Variants in AGAP4 observed in about 807,000 individuals in gnomAD.
The protein encoded by AGAP4 is arf-GAP with GTPase, ANK repeat and PH domain-containing protein 4.
AGAP4 carries 13 observed loss-of-function variants against 60.7 expected under a neutral mutation model. That is an observed-to-expected ratio of 0.21 (90% CI 0.14 to 0.34). The LOEUF is 0.34. Ranked by LOEUF, AGAP4 falls within the 10% of genes least tolerant of loss-of-function variation. AGAP4 has a pLI of 1.00. For synonymous variants in AGAP4, 70 were observed against 339.0 expected (o/e 0.21, Z 8.72); for missense variants, 169 against 884.0 (o/e 0.19, Z 10.26).
At position 45,847,486 on chromosome 10, in the gene AGAP4, C is replaced by T. The variant is rs2059019379; in HGVS notation, c.-139G>A. The T allele has an allele frequency of 1.3e-6, 2 of 1,529,064 alleles. No homozygotes were observed. Among genetic ancestry groups the T allele is most frequent in the African/African-American group, 1.4e-5 (1 of 69,922 alleles). 94.7% of individuals were successfully genotyped at this position (1,529,064 alleles called of 1,614,324 possible). On this transcript the variant is annotated 5_prime_UTR_variant, in exon 1 of 8. Coordinates refer to ENST00000616763, the MANE Select transcript of AGAP4 (RefSeq NM_001276343.3). Reference sequence around the variant, plus strand: ...CTCGCCTGCCCACCTCACAGCGCGGCCCCGGGCACCAGCCCTGGCCCTGGC... The same window carrying T: ...CTCGCCTGCCCACCTCACAGCGCGGTCCCGGGCACCAGCCCTGGCCCTGGC...
upstream of AGAP4, among the ~76,000 whole-genome samples, chr10:45,852,229 A>ACAAACAAAC (rs1564866663): frequency 2.2e-4 from 32 of 144,548 alleles, no homozygotes; most frequent in Middle Eastern, 3.5e-3. Flanking sequence ...AAAAAAAAAA[A>ACAAACAAAC]AAAAAAAAAA....
Position 45,826,434 on chromosome 10 carries a change from G to C in AGAP4, c.1542C>G (p.Ser514=), listed in dbSNP as rs1465601899. The C allele has an allele frequency of 1.2e-6, 2 of 1,605,864 alleles. No individual in the cohort carries two copies. Among genetic ancestry groups the C allele is most frequent in the Non-Finnish European group, 1.7e-6 (2 of 1,176,194 alleles). Residue 514 remains serine, a synonymous_variant, in exon 8 of 8, where the codon TCC becomes TCG. Transcript: ENST00000616763. The stretch of plus-strand genomic sequence containing the variant: ...CATCCAGCTCCAGAGATCGCACACG[G>C]GAAAGGCGGGTGCCAAGACTGCGGT... ...GIHRSLGTRL[S]RVRSLELDDW...
chr10:45,832,535 G>A (rs2058751685), intron 5 of AGAP4, among the ~76,000 whole-genome samples: 1 of 143,658 alleles, frequency 7.0e-6, no homozygotes, highest in Non-Finnish European at 1.5e-5. Flanking sequence ...ACATTTCCCA[G>A]GTGATTTCAA....
Position 45,827,362 on chromosome 10 carries a change from C to T in AGAP4, c.614G>A (p.Arg205Lys). The stretch of plus-strand genomic sequence containing the variant: ...GTTATTTAAACTCCCACCTCCATTT[C>T]TTTTCTTCATAATGTGCACGGTGGA... ...AVSTVHIMKK[R>K]NGGGSLNNYS... is the part of the protein sequence containing the mutation. The change falls in exon 8 of 8, where the codon AGA becomes AAA. Residue 205 changes from arginine to lysine, a missense_variant. Transcript: ENST00000616763. The T allele has an allele frequency of 6.3e-7, 1 of 1,596,266 alleles. No individual in the cohort carries two copies. Among genetic ancestry groups the T allele is most frequent in the South Asian group, 1.1e-5 (1 of 89,758 alleles).
Position 45,826,666 on chromosome 10 carries a change from G to A in AGAP4, c.1310C>T (p.Ala437Val). 4 of 1,348,180 alleles carry A rather than the reference G, an allele frequency of 3.0e-6. 2 individuals are homozygous for A. Among genetic ancestry groups the A allele is most frequent in the Non-Finnish European group, 4.0e-6 (4 of 990,304 alleles). 83.5% of individuals were successfully genotyped at this position (1,348,180 alleles called of 1,614,324 possible). A position where few individuals can be genotyped will look rare whatever the true frequency, so the allele number is the denominator to read the frequency against. ...TYEERDAWVQ[A>V]IQSQILASLQ... ...GCTGGCCAGGATCTGGCTCTGGATGGCTTGGACCCAGGCATCCCGCTCCTC... is the reference window on the plus strand; with the variant it reads ...GCTGGCCAGGATCTGGCTCTGGATGACTTGGACCCAGGCATCCCGCTCCTC... Residue 437 changes from alanine (A) to valine (V), a missense_variant, in exon 8 of 8, where the codon GCC (alanine) becomes GTC (valine). Ala to Val is a moderately conservative substitution (Grantham distance 64). Coordinates refer to ENST00000616763, the MANE Select transcript of AGAP4 (RefSeq NM_001276343.3).
chr10:45,826,933 G>C lies in AGAP4; in HGVS notation c.1043C>G (p.Ala348Gly), dbSNP rs1412385267. 2.9e-6 allele frequency: 4 copies of C among 1,377,030 alleles called. No individual in the cohort carries two copies. The Admixed American group carries it at 7.2e-5, about 25-fold the overall frequency. The allele number at this position is 1,377,030 out of a possible 1,614,324, so 85.3% of individuals were successfully genotyped here. A position where few individuals can be genotyped will look rare whatever the true frequency, so the allele number is the denominator to read the frequency against. ...GGAGATGGGTGTGCAGGCCGATGTG[G>C]CTAGGGATGGCCACTTTCCTGGGAC... ...IKVPGKWPSL[A>G]TSACTPISTS... Residue 348 changes from alanine (A) to glycine (G), a missense_variant, in exon 8 of 8, where the codon GCC (alanine) becomes GGC (glycine). By Grantham distance (60) the Ala-to-Gly change is moderately conservative. Coordinates refer to ENST00000616763, the MANE Select transcript of AGAP4 (RefSeq NM_001276343.3).
upstream of AGAP4, among the ~76,000 whole-genome samples, chr10:45,848,436 G>A (rs1282501792): frequency 6.8e-6 from 1 of 146,602 alleles, no homozygotes; most frequent in East Asian, 2.0e-4. Context: ...GAGCCATAAA[G>A]TGGCTTACCA....
chr10:45,829,936 T>A (rs2058704589), intron 6 of AGAP4, among the ~76,000 whole-genome samples: 1 of 148,560 alleles, frequency 6.7e-6, no homozygotes, highest in Non-Finnish European at 1.5e-5. Flanking sequence ...AAGTAACTAA[T>A]GCATGATATT....
intron 6 of AGAP4, among the ~76,000 whole-genome samples, chr10:45,830,203 CT>C (rs1389303568): frequency 4.7e-5 from 7 of 148,210 alleles, no homozygotes; most frequent in Non-Finnish European, 1.0e-4. Context: ...GACAGAGTCG[CT>C]CTCTGTCACC....
At chr10:45,849,009 T>C (rs1437896566), upstream of AGAP4, 2 of 149,764 alleles carry the variant, frequency 1.3e-5, no homozygotes, top group Non-Finnish European at 3.0e-5. Flanking sequence ...GTGGATCAAC[T>C]GAGGTCAGGA....
chr10:45,839,488 T>C (rs1435301868), intron 4 of AGAP4, among the ~76,000 whole-genome samples: 1 of 123,328 alleles, frequency 8.1e-6, no homozygotes, highest in Non-Finnish European at 1.8e-5. Context: ...AAACCTGAGA[T>C]ATAAAGAAAA....
upstream of AGAP4, among the ~76,000 whole-genome samples, chr10:45,849,760 C>A (rs1389570337): frequency 6.6e-6 from 1 of 151,102 alleles, no homozygotes; most frequent in African/African-American, 2.4e-5. Context: ...CCTGCCTCAG[C>A]CTCCCAAGTA....
chr10:45,828,398 A>C (rs1751285849), intron 6 of AGAP4, among the ~76,000 whole-genome samples: 1 of 150,280 alleles, frequency 6.7e-6, no homozygotes, highest in African/African-American at 2.4e-5. Flanking sequence ...AGAATGTTCT[A>C]CAAAGCAGTT....
At chr10:45,851,032 G>A (rs1184733758), upstream of AGAP4, among the ~76,000 whole-genome samples, 8 of 151,948 alleles carry the variant, frequency 5.3e-5, no homozygotes, top group African/African-American at 1.5e-4. Context: ...GTTTCATGGA[G>A]CAACTTTGAA....
chr10:45,830,510 G>A (rs578252060), intron 6 of AGAP4, among the ~76,000 whole-genome samples: 1 of 97,650 alleles, frequency 1.0e-5, no homozygotes, highest in Admixed American at 9.2e-5. Context: ...TGTTTAGGCA[G>A]AGTCTTGCTC....
At chr10:45,850,193 T>C (rs1323679502), upstream of AGAP4, among the ~76,000 whole-genome samples, 3 of 150,734 alleles carry the variant, frequency 2.0e-5, no homozygotes, top group Non-Finnish European at 4.4e-5. Context: ...CCTCCCAAAG[T>C]GCTGGGATTG....
chr10:45,846,266 T>C (rs1262504196), intron 2 of AGAP4, among the ~76,000 whole-genome samples: 4 of 151,416 alleles, frequency 2.6e-5, no homozygotes, highest in African/African-American at 9.7e-5. Flanking sequence ...CAGCCCCGGC[T>C]GTGACATTTC....
At chr10:45,850,985 A>G (rs1362981674), upstream of AGAP4, among the ~76,000 whole-genome samples, 1 of 152,066 alleles carries the variant, frequency 6.6e-6, no homozygotes, top group Non-Finnish European at 1.5e-5. Context: ...ATTTCCTAAA[A>G]TTTACATGCT....
chr10:45,853,122 T>C (rs1485862517), intron 1 of AGAP4, among the ~76,000 whole-genome samples: 18 of 151,378 alleles, frequency 1.2e-4, no homozygotes, highest in African/African-American at 4.4e-4. Flanking sequence ...AATTATAAAA[T>C]GAAACTTTGG....
Sources: allele counts gnomAD v4.1 joint callset (sites outside exome capture counted in the v4.1 genomes callset), GRCh38; gene constraint gnomAD v4.1.1; transcripts MANE v1.5; gene names NCBI Gene and HGNC (gene_info 2026-07-23, HGNC 2026-07-21).